The following PCP4 variants were observed in gnomAD, a reference collection of about 807,000 sequenced individuals.
The protein encoded by PCP4 is Purkinje cell protein 4.
PCP4 carries 8 observed loss-of-function variants against 10.0 expected under a neutral mutation model. That is an observed-to-expected ratio of 0.80 (90% CI 0.47 to 1.45). The LOEUF (loss-of-function observed/expected upper bound fraction) is 1.45, where lower values mean the gene tolerates loss of function less well. PCP4 is among the 40% of genes most tolerant of loss of function. The pLI, the probability that PCP4 is intolerant of heterozygous loss-of-function variation, is 0.00. For missense variants in PCP4, 54 were observed against 74.4 expected (o/e 0.73, Z 1.01); for synonymous variants, 21 against 23.0 (o/e 0.91, Z 0.24).
In PCP4 at chr21:39,929,145, C is replaced by T; in HGVS notation, c.*34C>T. 6.3e-7 allele frequency: 1 copy of T among 1,582,656 alleles called. No individual in the cohort carries two copies. Among genetic ancestry groups the T allele is most frequent in the Non-Finnish European group, 8.6e-7 (1 of 1,162,804 alleles). ...CCCCCTCCTAGTCCACCTGAAAACA[C>T]CAAATTCAACCATCATCTGTCAAGA... On this transcript the variant is annotated 3_prime_UTR_variant, in exon 3 of 3. Transcript: ENST00000328619.
chr21:39,888,950 TG>T (rs1415275226), intron 1 of PCP4, among the ~76,000 whole-genome samples: 1 of 152,238 alleles, frequency 6.6e-6, no homozygotes, highest in African/African-American at 2.4e-5. Flanking sequence ...CTTCTTAGCC[TG>T]GGAGACACCA....
chr21:39,894,887 A>C (rs911674239), intron 1 of PCP4, among the ~76,000 whole-genome samples: 1 of 152,196 alleles, frequency 6.6e-6, no homozygotes, highest in Admixed American at 6.5e-5. Context: ...GAGAAAAGGC[A>C]GCCTCTTCCC....
chr21:39,913,435 A>G (rs551174624), intron 2 of PCP4, among the ~76,000 whole-genome samples: 2 of 152,338 alleles, frequency 1.3e-5, no homozygotes, highest in East Asian at 3.9e-4. Flanking sequence ...ATCCAGGCAC[A>G]CACCTCTGGG....
intron 2 of PCP4, among the ~76,000 whole-genome samples, chr21:39,902,898 A>T (rs2146339711): frequency 6.6e-6 from 1 of 152,328 alleles, no homozygotes; most frequent in Middle Eastern, 3.4e-3. Flanking sequence ...AGCTTCCATT[A>T]TAAATCTTTC....
intron 2 of PCP4, among the ~76,000 whole-genome samples, chr21:39,917,929 TAAG>T (rs975812420): frequency 6.6e-5 from 10 of 152,078 alleles, no homozygotes; most frequent in African/African-American, 2.4e-5. Flanking sequence ...GCTGTCCTTA[TAAG>T]AAGAAGAGAT....
intron 1 of PCP4, among the ~76,000 whole-genome samples, chr21:39,871,020 C>G (rs2087317098): frequency 6.6e-6 from 1 of 152,136 alleles, no homozygotes; most frequent in Non-Finnish European, 1.5e-5. Flanking sequence ...TTCTTAGCAC[C>G]CAAACAGAAT....
At chr21:39,900,754 C>A (rs542497531) in intron 2 of PCP4, among the ~76,000 whole-genome samples, 6 of 152,018 alleles carry the variant, frequency 3.9e-5, no homozygotes, top group Non-Finnish European at 7.4e-5. Context: ...CTATACTGGC[C>A]ACTCCCAGAT....
chr21:39,870,735 G>A lies in PCP4; in HGVS notation c.9+3225G>A, dbSNP rs186232481. 4.6e-5 allele frequency among the ~76,000 whole-genome samples: 7 copies of A among 152,308 alleles called. No homozygotes were observed. The East Asian group carries it at 5.8e-4, about 13-fold the overall frequency. On this transcript the variant is annotated intron_variant, in intron 1 of 2. Transcript: ENST00000328619. ...GACGCCCTTGCCCTGTTTAGGGTGCGGGTTGGAGACGTTCCAGGTCACGTA... is the reference window on the plus strand; with the variant it reads ...GACGCCCTTGCCCTGTTTAGGGTGCAGGTTGGAGACGTTCCAGGTCACGTA...
chr21:39,881,031 A>T (rs1275512443), intron 1 of PCP4, among the ~76,000 whole-genome samples: 2 of 151,800 alleles, frequency 1.3e-5, no homozygotes, highest in East Asian at 3.9e-4. Flanking sequence ...TTTTTGTGGG[A>T]GAGTAGAATT....
intron 2 of PCP4, among the ~76,000 whole-genome samples, chr21:39,908,613 C>T (rs2299773): frequency 0.03 from 4,621 of 152,196 alleles, 90 homozygotes; most frequent in Middle Eastern, 0.058. Context: ...TCAGTGGCGC[C>T]CCAGGCTCTG....
intron 1 of PCP4, among the ~76,000 whole-genome samples, chr21:39,876,203 G>A (rs1373261033): frequency 2.0e-5 from 3 of 151,876 alleles, no homozygotes; most frequent in Non-Finnish European, 4.4e-5. Context: ...ACACTGTCGT[G>A]AAACGGGTCC....
intron 2 of PCP4, among the ~76,000 whole-genome samples, chr21:39,927,810 GTC>G (rs1820149955): frequency 6.6e-6 from 1 of 152,152 alleles, no homozygotes; most frequent in Non-Finnish European, 1.5e-5. Context: ...ACACCTGAGA[GTC>G]TTTTTAAAAG....
At position 39,890,536 on chromosome 21, in the gene PCP4, A is replaced by G. The variant is rs12106361; in HGVS notation, c.10-7940A>G. ...CCACCCAGCTCATTTTTTTTTTTTT[A>G]ATTTTCATTTTTAGTAGAGACGGGT... On this transcript the variant is annotated intron_variant, in intron 1 of 2. Transcript: ENST00000328619. 7.2e-4 allele frequency among the ~76,000 whole-genome samples: 104 copies of G among 144,638 alleles called. 1 individual carries two copies. In the South Asian group the frequency reaches 0.022, roughly 31 times the overall value. 94.9% of individuals were successfully genotyped at this position (144,638 alleles called of 152,430 possible).
At chr21:39,912,897 G>A (rs1456701102) in intron 2 of PCP4, among the ~76,000 whole-genome samples, 1 of 151,936 alleles carries the variant, frequency 6.6e-6, no homozygotes, top group African/African-American at 2.4e-5. Flanking sequence ...GAAGAGATGA[G>A]GTCTAACTAT....
chr21:39,919,042 C>T (rs555873203), intron 2 of PCP4, among the ~76,000 whole-genome samples: 27 of 152,288 alleles, frequency 1.8e-4, no homozygotes, highest in African/African-American at 5.3e-4. Context: ...CAACACTAGA[C>T]GCCTTATTCT....
chr21:39,870,526 C>T (rs1293265969), intron 1 of PCP4, among the ~76,000 whole-genome samples: 1 of 152,194 alleles, frequency 6.6e-6, no homozygotes, highest in Admixed American at 6.5e-5. Flanking sequence ...AGAAAAATGA[C>T]TACCTTTGTT....
chr21:39,867,623 C>A lies in PCP4; in HGVS notation c.9+113C>A, dbSNP rs1006937195. Reference sequence around the variant, plus strand: ...TAGCAGTGCTGAGGAACAAATTAATCCTGTAATTATTTGCTTGGAGAACTG... The same window carrying A: ...TAGCAGTGCTGAGGAACAAATTAATACTGTAATTATTTGCTTGGAGAACTG... On this transcript the variant is annotated intron_variant, in intron 1 of 2. Coordinates refer to ENST00000328619, the MANE Select transcript of PCP4 (RefSeq NM_006198.3). 1.1e-4 allele frequency: 114 copies of A among 1,001,444 alleles called. 1 individual carries two copies. The Admixed American group carries it at 1.9e-3, about 17-fold the overall frequency. 62.0% of individuals were successfully genotyped at this position (1,001,444 alleles called of 1,614,324 possible).
intron 1 of PCP4, among the ~76,000 whole-genome samples, chr21:39,869,077 C>T (rs923616801): frequency 6.6e-6 from 1 of 152,122 alleles, no homozygotes; most frequent in African/African-American, 2.4e-5. Context: ...GGGATGGCTG[C>T]GTGGAGTGGT....
At chr21:39,896,383 C>T (rs1355513630) in intron 1 of PCP4, among the ~76,000 whole-genome samples, 1 of 152,170 alleles carries the variant, frequency 6.6e-6, no homozygotes, top group African/African-American at 2.4e-5. Context: ...GGTGGCTGTT[C>T]CATCTCGGAT....
Sources: gnomAD v4.1 joint callset for allele counts (sites outside exome capture counted in the v4.1 genomes callset) on GRCh38, gnomAD v4.1.1 for gene constraint, MANE v1.5 for transcripts, NCBI Gene and HGNC (gene_info 2026-07-23, HGNC 2026-07-21) for gene names.